The following RYR3 variants were observed in gnomAD, a reference collection of about 807,000 sequenced individuals.
The protein encoded by RYR3 is ryanodine receptor 3, also known as brain ryanodine receptor-calcium release channel.
A neutral mutation model predicts 584.3 loss-of-function variants in RYR3; 207 were observed. The ratio of observed to expected loss-of-function variants is 0.35; its 90% CI spans 0.32 to 0.40. RYR3 has a LOEUF of 0.40. Among genes scored for constraint, RYR3 ranks in the 10% least tolerant of loss-of-function variants. RYR3 has a pLI of 1.00. For missense variants in RYR3, 5,616 were observed against 6,089.2 expected (o/e 0.92, Z 2.59); for synonymous variants, 2,416 against 2,248.5 (o/e 1.07, Z -2.11).
chr15:33,594,635 A>G (rs2059286045), intron 16 of RYR3, among the ~76,000 whole-genome samples: 1 of 152,186 alleles, frequency 6.6e-6, no homozygotes. Flanking sequence ...CTTTATTCCA[A>G]TGTCACAATT....
At chr15:33,537,103 C>T (rs1005389030) in intron 5 of RYR3, among the ~76,000 whole-genome samples, 1 of 152,128 alleles carries the variant, frequency 6.6e-6, no homozygotes, top group African/African-American at 2.4e-5. Context: ...ATATTCTGAC[C>T]AGGTAATTTA....
chr15:33,701,254 A>G (rs1294290118), intron 42 of RYR3, among the ~76,000 whole-genome samples, 174 bp downstream of exon 42: 2 of 152,192 alleles, frequency 1.3e-5, no homozygotes, highest in African/African-American at 4.8e-5. Flanking sequence ...ATTATGACCA[A>G]GGGATCTCCT....
intron 1 of RYR3, among the ~76,000 whole-genome samples, chr15:33,402,152 T>C (rs1490355145): frequency 6.6e-6 from 1 of 152,216 alleles, no homozygotes. Context: ...ATTTCAACAT[T>C]TAAATTGATC....
intron 5 of RYR3, among the ~76,000 whole-genome samples, chr15:33,534,213 C>T (rs928203811): frequency 6.6e-6 from 1 of 152,064 alleles, no homozygotes; most frequent in Admixed American, 6.5e-5. Context: ...CTAGCTTGGC[C>T]GACATGGTGA....
At chr15:33,835,189 AT>A in intron 87 of RYR3, 117 bp downstream of exon 87, 1 of 749,598 alleles carries the variant, frequency 1.3e-6, no homozygotes, top group Non-Finnish European at 2.1e-6. Context: ...AGCCATGCAT[AT>A]TAGGTCTCAG....
At chr15:33,563,271 C>T (rs2057512790) in intron 11 of RYR3, among the ~76,000 whole-genome samples, 1 of 152,162 alleles carries the variant, frequency 6.6e-6, no homozygotes, top group African/African-American at 2.4e-5. Context: ...TACTCTAAAG[C>T]CTGATCTAAA....
chr15:33,850,312 G>A (rs59403927), intron 94 of RYR3: 4,701 of 152,194 alleles, frequency 0.031, 191 homozygotes, highest in East Asian at 0.23. Context: ...AACCTGGGAG[G>A]CGGAGGTTGC....
chr15:33,826,874 T>C, intron 84 of RYR3, 122 bp downstream of exon 84: 5 of 723,416 alleles, frequency 6.9e-6, no homozygotes, highest in Non-Finnish European at 1.2e-5. Context: ...AATGCGTTCC[T>C]CAATAAGAAA....
At chr15:33,588,814 T>C (rs1481901449) in intron 16 of RYR3, among the ~76,000 whole-genome samples, 3 of 151,678 alleles carry the variant, frequency 2.0e-5, no homozygotes, top group Non-Finnish European at 4.4e-5. Flanking sequence ...CAGTATTCCA[T>C]TGTGTGTGTG....
chr15:33,473,551 G>C lies in RYR3; in HGVS notation c.171+13G>C, dbSNP rs1245518508. 1 of 1,613,602 alleles carries C rather than the reference G, an allele frequency of 6.2e-7. No homozygotes were observed. Among genetic ancestry groups the C allele is most frequent in the Non-Finnish European group, 8.5e-7 (1 of 1,179,700 alleles). On this transcript the variant is annotated intron_variant, in intron 2 of 103. Transcript: ENST00000634891. Reference sequence around the variant, plus strand: ...TTCAGAAGCCAAGGTGAGATTGGCTGTCCGCCCTACACCTTCTTCCACCTT... The same window carrying C: ...TTCAGAAGCCAAGGTGAGATTGGCTCTCCGCCCTACACCTTCTTCCACCTT...
chr15:33,489,026 T>C (rs2050739413), intron 2 of RYR3, among the ~76,000 whole-genome samples: 1 of 152,184 alleles, frequency 6.6e-6, no homozygotes, highest in African/African-American at 2.4e-5. Flanking sequence ...CTGTTTTGGG[T>C]AGTGATTCAA....
chr15:33,673,957 T>C (rs1372027203), intron 38 of RYR3, among the ~76,000 whole-genome samples: 1 of 152,234 alleles, frequency 6.6e-6, no homozygotes, highest in Non-Finnish European at 1.5e-5. Flanking sequence ...AGCCCTGTGC[T>C]GTTTGCCACA....
chr15:33,481,529 G>A (rs1385864437), intron 2 of RYR3, among the ~76,000 whole-genome samples: 2 of 151,878 alleles, frequency 1.3e-5, no homozygotes, highest in Non-Finnish European at 2.9e-5. Context: ...CACCCAGGCT[G>A]GAGTGCAATG....
At chr15:33,755,483 G>A (rs1596450996) in intron 58 of RYR3, among the ~76,000 whole-genome samples, 1 of 152,146 alleles carries the variant, frequency 6.6e-6, no homozygotes, top group Non-Finnish European at 1.5e-5. Context: ...TTAGCTGAGT[G>A]TGGTGGTGCA....
chr15:33,592,144 C>T (rs1308403335), intron 16 of RYR3, among the ~76,000 whole-genome samples: 1 of 152,194 alleles, frequency 6.6e-6, no homozygotes, highest in African/African-American at 2.4e-5. Context: ...TCCTGTGACA[C>T]ACAACCCCGT....
intron 3 of RYR3, among the ~76,000 whole-genome samples, chr15:33,507,170 G>A (rs943852247): frequency 6.6e-6 from 1 of 152,208 alleles, no homozygotes; most frequent in Non-Finnish European, 1.5e-5. Context: ...GACTTCAGCT[G>A]TTTACTCACG....
chr15:33,427,388 C>G (rs2044738774), intron 1 of RYR3, among the ~76,000 whole-genome samples: 1 of 152,124 alleles, frequency 6.6e-6, no homozygotes, highest in Non-Finnish European at 1.5e-5. Context: ...GCAGGAAGAT[C>G]ATGTGAGCCC....
intron 1 of RYR3, among the ~76,000 whole-genome samples, chr15:33,343,814 T>C (rs1486625307): frequency 2.0e-5 from 3 of 152,212 alleles, no homozygotes; most frequent in Non-Finnish European, 4.4e-5. Context: ...TTATTTGGCC[T>C]ATTTATTTGG....
chr15:33,340,170 C>T lies in RYR3; in HGVS notation c.51+29074C>T, dbSNP rs111395707. ...TTCCAACTTAGTGGCTCCCTTTGAA[C>T]GCTTTAAGGAAGGACCACAGCTCTC... On this transcript the variant is annotated intron_variant, in intron 1 of 103. Coordinates refer to ENST00000634891, the MANE Select transcript of RYR3 (RefSeq NM_001036.6). Among the ~76,000 whole-genome samples the T allele has an allele frequency of 2.9e-4, 44 of 152,280 alleles. No homozygotes were observed. In the East Asian group the frequency reaches 3.3e-3, roughly 11 times the overall value.
Sources: allele counts gnomAD v4.1 joint callset (sites outside exome capture counted in the v4.1 genomes callset), GRCh38; gene constraint gnomAD v4.1.1; transcripts MANE v1.5; gene names NCBI Gene and HGNC (gene_info 2026-07-23, HGNC 2026-07-21).